Variants in NACC2 observed in about 807,000 individuals in gnomAD.
NACC2 encodes NACC family member 2.
NACC2 carries 8 observed loss-of-function variants against 25.1 expected under a neutral mutation model. The ratio of observed to expected loss-of-function variants is 0.32; its 90% CI spans 0.19 to 0.57. The LOEUF is 0.57. Ranked by LOEUF, NACC2 falls within the 20% of genes least tolerant of loss-of-function variation. The pLI, the probability that NACC2 is intolerant of heterozygous loss-of-function variation, is 0.89. For synonymous variants in NACC2, 435 were observed against 294.7 expected, an observed-to-expected ratio of 1.48 and a Z score of -4.88; for missense variants, 644 against 650.2, an observed-to-expected ratio of 0.99 and a Z score of 0.10.
rs1295556982 is a variant in NACC2, at chr9:136,018,219, G to C, written c.887-1790C>G. On this transcript the variant is annotated intron_variant, in intron 2 of 5. Transcript: ENST00000277554. The surrounding 1 kb of genome is among the most constrained non-coding windows in gnomAD (Gnocchi z 4.4). ...CAGTCCCTCCATGACCCCCACCTTGGAGAGTCACAGAAAAACTCTACAGGG... is the reference window on the plus strand; with the variant it reads ...CAGTCCCTCCATGACCCCCACCTTGCAGAGTCACAGAAAAACTCTACAGGG... Among the ~76,000 whole-genome samples, 2 of 152,112 alleles carry C rather than the reference G, an allele frequency of 1.3e-5. No homozygotes were observed. Among genetic ancestry groups the C allele is most frequent in the African/African-American group, 4.8e-5 (2 of 41,436 alleles).
rs1225874707 is a variant in NACC2, at chr9:136,087,749, T to C, written c.-60+7440A>G. Among the ~76,000 whole-genome samples, 5 of 152,276 alleles carry C rather than the reference T, an allele frequency of 3.3e-5. No homozygotes were observed. In the South Asian group the frequency reaches 1.0e-3, roughly 32 times the overall value. On this transcript the variant is annotated intron_variant, in intron 1 of 5. Coordinates refer to ENST00000277554, the MANE Select transcript of NACC2 (RefSeq NM_144653.5). ...GAGGCTCGAATCCCAAGAGAACACT[T>C]GCTCTCCAACCCTGGAAGTGGCTGC...
intron 1 of NACC2, among the ~76,000 whole-genome samples, chr9:136,066,049 C>T (rs537082714): frequency 8.6e-5 from 13 of 151,782 alleles, no homozygotes; most frequent in African/African-American, 1.7e-4. Context: ...CAAAACTAGC[C>T]GGGTGTGGTG....
At chr9:136,027,117 C>T (rs1042081235) in intron 2 of NACC2, among the ~76,000 whole-genome samples, 2 of 151,994 alleles carry the variant, frequency 1.3e-5, no homozygotes, top group Non-Finnish European at 1.5e-5. Flanking sequence ...CCCAACTACT[C>T]GGGAGGCTGA....
Position 136,050,000 on chromosome 9 carries a change from C to A in NACC2, c.522G>T (p.Lys174Asn). 1 of 675,156 alleles carries A rather than the reference C, an allele frequency of 1.5e-6. No homozygotes were observed. The highest frequency in any genetic ancestry group is 2.7e-6 in the Non-Finnish European group (1 of 373,606). 41.8% of individuals were successfully genotyped at this position (675,156 alleles called of 1,614,324 possible). The change falls in exon 2 of 6, where the codon AAG becomes AAT. Residue 174 changes from lysine to asparagine, a missense_variant. Coordinates refer to ENST00000277554, the MANE Select transcript of NACC2 (RefSeq NM_144653.5). ...CCGGCGGCAGCTCCATGGCTTCATG[C>A]TTTACTCGGGTCAGCAGCGGGATGG... ...SVPIPLLTRV[K>N]HEAMELPPAG...
At chr9:136,027,677 T>A (rs1183787732) in intron 2 of NACC2, among the ~76,000 whole-genome samples, 1 of 152,166 alleles carries the variant, frequency 6.6e-6, no homozygotes, top group Non-Finnish European at 1.5e-5. Context: ...ATCTGAATGA[T>A]AATGAAAATC....
Position 136,011,551 on chromosome 9 carries a change from G to T in NACC2, c.1729C>A (p.Arg577=). The change falls in exon 6 of 6, where the codon CGG becomes AGG. Residue 577 remains arginine, a synonymous_variant. Coordinates refer to ENST00000277554, the MANE Select transcript of NACC2 (RefSeq NM_144653.5). The part of the protein sequence containing the change: ...SRPQTPAAAA[R]RPEGTYAGTL The stretch of plus-strand genomic sequence containing the variant: ...CCTGCATAGGTGCCCTCCGGCCTCC[G>T]GGCCGCGGCCGCCGGCGTCTGGGGC... 1 of 1,406,612 alleles carries T rather than the reference G, an allele frequency of 7.1e-7. No individual in the cohort carries two copies. The allele number at this position is 1,406,612 out of a possible 1,614,324, so 87.1% of individuals were successfully genotyped here.
chr9:136,074,120 G>A (rs1293691157), intron 1 of NACC2, among the ~76,000 whole-genome samples: 1 of 151,764 alleles, frequency 6.6e-6, no homozygotes, highest in Admixed American at 6.6e-5. Flanking sequence ...AGGAGAGATG[G>A]TAAGATTATA....
chr9:136,029,633 C>A (rs944628378), intron 2 of NACC2, among the ~76,000 whole-genome samples: 1 of 152,204 alleles, frequency 6.6e-6, no homozygotes, highest in Admixed American at 6.5e-5. Flanking sequence ...TTCTTTGGGG[C>A]TCTGCAGTTC....
chr9:136,075,326 G>A lies in NACC2; in HGVS notation c.-60+19863C>T, dbSNP rs1007617760. 3.3e-5 allele frequency among the ~76,000 whole-genome samples: 5 copies of A among 152,356 alleles called. No individual in the cohort carries two copies. The East Asian group carries it at 9.6e-4, about 29-fold the overall frequency. On this transcript the variant is annotated intron_variant, in intron 1 of 5. Transcript: ENST00000277554. ...CGGCCGCCTGGCTGGGATACTTGGG[G>A]GGAAAGCCCTCCCTAGCTCCCCCGA...
chr9:136,057,456 T>C (rs1247897471), intron 1 of NACC2, among the ~76,000 whole-genome samples: 1 of 152,140 alleles, frequency 6.6e-6, no homozygotes, highest in Non-Finnish European at 1.5e-5. Context: ...ACCCACTGGG[T>C]CCACACACTG....
chr9:136,050,626 C>A (rs1588571899), intron 1 of NACC2, 46 bp from the exon 2 acceptor site: 2 of 684,468 alleles, frequency 2.9e-6, no homozygotes, highest in South Asian at 3.1e-5. Flanking sequence ...AGGTCACGGG[C>A]TCCCCGCTCA....
Position 136,013,170 on chromosome 9 carries a change from A to G in NACC2, c.1255+29T>C. 2 of 391,780 alleles carry G rather than the reference A, an allele frequency of 5.1e-6. No individual in the cohort carries two copies. Among genetic ancestry groups the G allele is most frequent in the Non-Finnish European group, 9.3e-6 (2 of 215,692 alleles). The allele number at this position is 391,780 out of a possible 1,614,324, so 24.3% of individuals were successfully genotyped here. On this transcript the variant is annotated intron_variant, in intron 5 of 5. Transcript: ENST00000277554. This position sits in a 1 kb window ranked among gnomAD's most constrained non-coding sequence, Gnocchi z 6.6. ...GGGATCTGAACCCAGCCCCGGCCCC[A>G]CCCACCCGAGAGACCCCCAGGCTCT...
chr9:136,057,729 C>T (rs1042072715), intron 1 of NACC2, among the ~76,000 whole-genome samples: 11 of 152,184 alleles, frequency 7.2e-5, no homozygotes, highest in Admixed American at 5.2e-4. Context: ...GCTGCCCAGG[C>T]GGAGCGGCCG....
At chr9:136,065,296 G>A (rs1841067000) in intron 1 of NACC2, among the ~76,000 whole-genome samples, 1 of 152,092 alleles carries the variant, frequency 6.6e-6, no homozygotes, top group Admixed American at 6.6e-5. Flanking sequence ...ACCAGCCTCG[G>A]CAACATAGTG....
At chr9:136,074,559 G>A (rs928277089) in intron 1 of NACC2, among the ~76,000 whole-genome samples, 1 of 150,970 alleles carries the variant, frequency 6.6e-6, no homozygotes, top group African/African-American at 2.4e-5. Flanking sequence ...TTAAAATTAT[G>A]TATCATCCCT....
chr9:136,013,794 G>T lies in NACC2; in HGVS notation c.1157+70C>A. ...TGCCACAACCCTGGACGATCAGACA[G>T]CTCATAGCTAAAGGAGCCAGAACCC... is the stretch of plus-strand genomic sequence containing the variant. On this transcript the variant is annotated intron_variant, in intron 4 of 5. Transcript: ENST00000277554. The surrounding 1 kb of genome is among the most constrained non-coding windows in gnomAD (Gnocchi z 6.6). 3.7e-6 allele frequency: 5 copies of T among 1,352,188 alleles called. No homozygotes were observed. The highest frequency in any genetic ancestry group is 3.7e-5 in the South Asian group (3 of 82,018). The allele number at this position is 1,352,188 out of a possible 1,614,324, so 83.8% of individuals were successfully genotyped here.
rs1055390719 is a variant in NACC2, at chr9:136,011,614, G to A, written c.1666C>T (p.Pro556Ser). The A allele has an allele frequency of 1.4e-6, 2 of 1,430,360 alleles. No homozygotes were observed. The highest frequency in any genetic ancestry group is 1.5e-5 in the South Asian group (1 of 67,452). The allele number at this position is 1,430,360 out of a possible 1,614,324, so 88.6% of individuals were successfully genotyped here. Residue 556 changes from proline (P) to serine (S), a missense_variant, in exon 6 of 6, where the codon CCA becomes TCA. Pro to Ser is a moderately conservative substitution (Grantham distance 74). Transcript: ENST00000277554. ...CCCCCGCCCTGCTCAAAGGGCTGTGGGGGGCTCTGGCCATCGGCGGGCAGC... is the reference window on the plus strand; with the variant it reads ...CCCCCGCCCTGCTCAAAGGGCTGTGAGGGGCTCTGGCCATCGGCGGGCAGC... ...EPLPADGQSPPQPFEQGGGGP... is the reference protein window; with the variant it reads ...EPLPADGQSPSQPFEQGGGGP...
rs138390772 is a variant in NACC2, at chr9:136,070,203, A to T, written c.-59-19623T>A. Among the ~76,000 whole-genome samples the T allele has an allele frequency of 3.8e-3, 572 of 152,026 alleles. 16 individuals carry two copies. Among genetic ancestry groups the T allele is most frequent in the African/African-American group, 0.013 (547 of 41,288 alleles). On this transcript the variant is annotated intron_variant, in intron 1 of 5. Coordinates refer to ENST00000277554, the MANE Select transcript of NACC2 (RefSeq NM_144653.5). Reference sequence around the variant, plus strand: ...CTAAGTAATCCATATGTCAAAGAAGAAGTCTCAAGAAAATCAAATACGGGC... The same window carrying T: ...CTAAGTAATCCATATGTCAAAGAAGTAGTCTCAAGAAAATCAAATACGGGC...
At chr9:136,082,791 C>A (rs1830337667) in intron 1 of NACC2, among the ~76,000 whole-genome samples, 1 of 152,228 alleles carries the variant, frequency 6.6e-6, no homozygotes, top group South Asian at 2.1e-4. Context: ...CCAGCGGATC[C>A]CACAGACGCC....
Sources: gnomAD v4.1 joint callset for allele counts (sites outside exome capture counted in the v4.1 genomes callset) on GRCh38, gnomAD v4.1.1 for gene constraint, Gnocchi (gnomAD v3.1) non-coding constraint, MANE v1.5 for transcripts, NCBI Gene and HGNC (gene_info 2026-07-23, HGNC 2026-07-21) for gene names.